PIBF1: variants seen among roughly 807,000 people sequenced by gnomAD.
The protein encoded by PIBF1 is progesterone-induced-blocking factor 1.
Under a neutral mutation model 112.5 loss-of-function variants are expected in PIBF1, and 90 were observed. The observed-to-expected ratio is 0.80, with a 90% CI of 0.67 to 0.95. The LOEUF is 0.95. PIBF1 is among the 40% of genes least tolerant of loss of function. The probability of loss-of-function intolerance (pLI) is 0.00; values close to 1 mark genes in which losing one functional copy is unlikely to be tolerated. For missense variants in PIBF1, 915 were observed against 852.3 expected, an observed-to-expected ratio of 1.07 and a Z score of -0.92; for synonymous variants, 301 against 288.6, an observed-to-expected ratio of 1.04 and a Z score of -0.44.
intron 16 of PIBF1, among the ~76,000 whole-genome samples, chr13:72,975,914 A>AT (rs879285262): frequency 1.3e-5 from 2 of 152,094 alleles, no homozygotes; most frequent in Non-Finnish European, 2.9e-5. Flanking sequence ...TATCAACTAC[A>AT]TTTTTTTAAA....
chr13:72,881,580 G>A (rs1009727292), intron 10 of PIBF1, among the ~76,000 whole-genome samples: 5 of 151,970 alleles, frequency 3.3e-5, no homozygotes, highest in African/African-American at 1.2e-4. Context: ...GCCAGGCGTG[G>A]TGGTGTGCAC....
chr13:72,966,093 G>A (rs2042731226), intron 15 of PIBF1, among the ~76,000 whole-genome samples: 1 of 152,070 alleles, frequency 6.6e-6, no homozygotes, highest in East Asian at 1.9e-4. Flanking sequence ...GATTTTTATG[G>A]GTAAATTATT....
intron 14 of PIBF1, among the ~76,000 whole-genome samples, chr13:72,939,281 A>G (rs2041949511): frequency 6.6e-6 from 1 of 152,170 alleles, no homozygotes; most frequent in Non-Finnish European, 1.5e-5. Flanking sequence ...TAAACCGTTT[A>G]ATATTCATTC....
chr13:72,827,996 T>G (rs779982307), intron 8 of PIBF1, 82 bp downstream of exon 8: 31 of 918,002 alleles, frequency 3.4e-5, no homozygotes, highest in Non-Finnish European at 4.8e-5. Context: ...TGGGGAAGAT[T>G]TAGTGATTTT....
At chr13:72,790,083 T>A (rs1431264964) in intron 2 of PIBF1, among the ~76,000 whole-genome samples, 1 of 152,178 alleles carries the variant, frequency 6.6e-6, no homozygotes, top group South Asian at 2.1e-4. Context: ...CTCTATCAGA[T>A]TTTTCTTATG....
rs566537216 is a variant in PIBF1, at chr13:72,789,560, G to A, written c.253-2887G>A. ...AGATCTGTGGGTTCCTTATTACCTG[G>A]GAAATGAATACATTTCCCAGCTTGT... On this transcript the variant is annotated intron_variant, in intron 2 of 17. Transcript: ENST00000326291. Among the ~76,000 whole-genome samples the A allele has an allele frequency of 9.8e-4, 149 of 151,750 alleles. 1 individual carries two copies. In the Middle Eastern group the frequency reaches 0.014, roughly 14 times the overall value.
intron 16 of PIBF1, among the ~76,000 whole-genome samples, chr13:72,978,907 A>T (rs1487562977): frequency 6.6e-6 from 1 of 152,198 alleles, no homozygotes; most frequent in Non-Finnish European, 1.5e-5. Context: ...AAGAAATGTG[A>T]TTTCAGGCCC....
rs1491281184 is a variant in PIBF1, at chr13:72,832,071, C to CTTTT, written c.1098-3172_1098-3171insTTTT. On this transcript the variant is annotated intron_variant, in intron 8 of 17. Transcript: ENST00000326291. ...TCAGAGATTAGAATTGCAATTCCGGCCTTTTTTTTTTTTTTTTTTTTTTTT... is the reference window on the plus strand; with the variant it reads ...TCAGAGATTAGAATTGCAATTCCGGCTTTTCTTTTTTTTTTTTTTTTTTTTTTTT... 5.2e-4 allele frequency among the ~76,000 whole-genome samples: 31 copies of CTTTT among 59,492 alleles called. 6 individuals are homozygous for CTTTT. Among genetic ancestry groups the CTTTT allele is most frequent in the South Asian group, 1.6e-3 (2 of 1,254 alleles). The allele number at this position is 59,492 out of a possible 152,430, so 39.0% of individuals were successfully genotyped here. A position where few individuals can be genotyped will look rare whatever the true frequency, so the allele number is the denominator to read the frequency against.
chr13:72,883,679 G>C (rs1012682284), intron 10 of PIBF1, among the ~76,000 whole-genome samples: 5 of 152,134 alleles, frequency 3.3e-5, no homozygotes, highest in African/African-American at 1.2e-4. Flanking sequence ...GTAGAGAGGG[G>C]CTTTCACCAT....
chr13:73,013,093 A>G (rs2044254514), intron 17 of PIBF1, among the ~76,000 whole-genome samples: 1 of 151,682 alleles, frequency 6.6e-6, no homozygotes, highest in Non-Finnish European at 1.5e-5. Context: ...CGAGGTCAGG[A>G]GATCGAGACC....
intron 11 of PIBF1, among the ~76,000 whole-genome samples, chr13:72,899,970 C>A (rs147217231): frequency 6.6e-6 from 1 of 152,198 alleles, no homozygotes; most frequent in East Asian, 1.9e-4. Context: ...AGCGACCAGG[C>A]AGAGAGTCAA....
chr13:72,818,061 AAT>A (rs1458476922), intron 5 of PIBF1, among the ~76,000 whole-genome samples: 3 of 151,580 alleles, frequency 2.0e-5, no homozygotes, highest in Non-Finnish European at 2.9e-5. Context: ...GAAATTTATA[AAT>A]ATATACATAT....
intron 14 of PIBF1, among the ~76,000 whole-genome samples, chr13:72,945,109 A>G (rs2042115861): frequency 6.6e-6 from 1 of 152,064 alleles, no homozygotes; most frequent in Admixed American, 6.6e-5. Context: ...TATGTATGCA[A>G]TGTTTAGTTC....
intron 8 of PIBF1, among the ~76,000 whole-genome samples, chr13:72,829,421 T>G (rs956070211): frequency 1.3e-5 from 2 of 152,192 alleles, no homozygotes; most frequent in Non-Finnish European, 2.9e-5. Flanking sequence ...GGTCTTACAT[T>G]TAAGTCTTTG....
chr13:72,903,306 A>G (rs1331182192), intron 11 of PIBF1, among the ~76,000 whole-genome samples: 2 of 152,180 alleles, frequency 1.3e-5, no homozygotes, highest in Non-Finnish European at 2.9e-5. Flanking sequence ...ATATGCTTCT[A>G]GGTCTCAGCC....
chr13:72,923,839 C>A (rs1272423989), intron 13 of PIBF1, among the ~76,000 whole-genome samples: 1 of 152,134 alleles, frequency 6.6e-6, no homozygotes, highest in Admixed American at 6.6e-5. Flanking sequence ...TGGTGGGCGC[C>A]TGTAATCCCA....
intron 9 of PIBF1, among the ~76,000 whole-genome samples, chr13:72,851,952 A>G (rs1177058643): frequency 1.3e-5 from 2 of 152,152 alleles, no homozygotes; most frequent in African/African-American, 2.4e-5. Context: ...CTGAGCAGAC[A>G]GTGGGATGGC....
chr13:72,923,558 T>A (rs535969907), intron 13 of PIBF1, among the ~76,000 whole-genome samples: 1 of 152,346 alleles, frequency 6.6e-6, no homozygotes, highest in East Asian at 1.9e-4. Context: ...AGTGTCCCAA[T>A]AGATAGCTTA....
rs570504594 is a variant in PIBF1, at chr13:72,827,831, G to T, written c.1014G>T (p.Glu338Asp). The change falls in exon 8 of 18, where the codon GAG becomes GAT. Residue 338 changes from glutamate (E) to aspartate (D), a missense_variant. Physicochemically the swap from Glu to Asp is conservative, Grantham distance 45 (BLOSUM62 2). Transcript: ENST00000326291. ...TTAGTGTTCGCTGTGCTCATGAAGAGGATCGCCTTGAAAGACTTCAAGCTC... is the reference window on the plus strand; with the variant it reads ...TTAGTGTTCGCTGTGCTCATGAAGATGATCGCCTTGAAAGACTTCAAGCTC... ...MELSVRCAHE[E>D]DRLERLQAQL... 9.4e-6 allele frequency: 15 copies of T among 1,602,002 alleles called. No individual in the cohort carries two copies. The South Asian group carries it at 1.7e-4, about 18-fold the overall frequency.
Sources: allele counts gnomAD v4.1 joint callset (sites outside exome capture counted in the v4.1 genomes callset), GRCh38; gene constraint gnomAD v4.1.1; transcripts MANE v1.5; gene names NCBI Gene and HGNC (gene_info 2026-07-23, HGNC 2026-07-21).